The following PRKCA variants were observed in gnomAD, a reference collection of about 807,000 sequenced individuals.
The protein encoded by PRKCA is protein kinase C alpha.
PRKCA carries 27 observed loss-of-function variants against 87.0 expected under a neutral mutation model. The observed-to-expected ratio is 0.31, with a 90% CI of 0.23 to 0.43. The LOEUF is 0.43. Ranked by LOEUF, PRKCA falls within the 20% of genes least tolerant of loss-of-function variation. The probability of loss-of-function intolerance (pLI) is 1.00; values close to 1 mark genes in which losing one functional copy is unlikely to be tolerated. For synonymous variants in PRKCA, 329 were observed against 311.1 expected (o/e 1.06, Z -0.61); for missense variants, 518 against 852.3 (o/e 0.61, Z 4.88).
chr17:66,512,457 A>AGTGTGTGTGTGTGTGT lies in PRKCA; in HGVS notation c.288+16193_288+16208dup, dbSNP rs71160573. 5.5e-5 allele frequency among the ~76,000 whole-genome samples: 8 copies of AGTGTGTGTGTGTGTGT among 144,364 alleles called. No individual in the cohort carries two copies. The East Asian group carries it at 1.1e-3, about 19-fold the overall frequency. 94.7% of individuals were successfully genotyped at this position (144,364 alleles called of 152,430 possible). On this transcript the variant is annotated intron_variant, in intron 3 of 16. Transcript: ENST00000413366. ...CCCTGTCTCCAACAACAACAAAAAA[A>AGTGTGTGTGTGTGTGT]GTGTGTGTGTGTGTGTGTGTGTGTG...
At chr17:66,687,056 G>A in intron 5 of PRKCA, 55 bp from the exon 6 acceptor site, 11 of 1,445,922 alleles carry the variant, frequency 7.6e-6, no homozygotes, top group South Asian at 3.7e-5. Flanking sequence ...ACAAGACAGC[G>A]GGCAATATAG....
chr17:66,619,728 A>G (rs1256163698), intron 3 of PRKCA, among the ~76,000 whole-genome samples: 1 of 152,198 alleles, frequency 6.6e-6, no homozygotes, highest in Non-Finnish European at 1.5e-5. Flanking sequence ...TGTCTCAAGG[A>G]AAAACCTCAT....
chr17:66,647,210 C>G (rs1219812964), intron 5 of PRKCA, among the ~76,000 whole-genome samples: 2 of 152,156 alleles, frequency 1.3e-5, no homozygotes, highest in Admixed American at 6.5e-5. Flanking sequence ...ATGGGGGGAG[C>G]AGATTTTGCA....
chr17:66,591,294 A>AT (rs1969795897), intron 3 of PRKCA, among the ~76,000 whole-genome samples: 1 of 151,456 alleles, frequency 6.6e-6, no homozygotes, highest in Non-Finnish European at 1.5e-5. Flanking sequence ...CTAGGACTAC[A>AT]GGCGTGCACC....
intron 3 of PRKCA, among the ~76,000 whole-genome samples, chr17:66,615,191 A>G (rs1315862074): frequency 2.0e-5 from 3 of 152,204 alleles, no homozygotes; most frequent in Admixed American, 1.3e-4. Flanking sequence ...CTTTTCAGGA[A>G]GTTTCCACAT....
chr17:66,608,958 G>A lies in PRKCA; in HGVS notation c.289-32397G>A, dbSNP rs145489900. On this transcript the variant is annotated intron_variant, in intron 3 of 16. Transcript: ENST00000413366. Reference sequence around the variant, plus strand: ...CAGGTTTGGGCAGCACAATCAATCCGCCTCTCCCCCTTAACAGGTGAGAAC... The same window carrying A: ...CAGGTTTGGGCAGCACAATCAATCCACCTCTCCCCCTTAACAGGTGAGAAC... 5.2e-3 allele frequency among the ~76,000 whole-genome samples: 785 copies of A among 152,248 alleles called. 7 individuals carry two copies. The highest frequency in any genetic ancestry group is 0.018 in the African/African-American group (744 of 41,544).
intron 2 of PRKCA, among the ~76,000 whole-genome samples, chr17:66,350,272 G>A (rs565434429): frequency 1.3e-5 from 2 of 152,188 alleles, no homozygotes; most frequent in Admixed American, 1.3e-4. Context: ...TGAGAGGAAG[G>A]GCTCAGGAAA....
At chr17:66,459,170 C>CA (rs1370475010) in intron 2 of PRKCA, among the ~76,000 whole-genome samples, 1 of 145,992 alleles carries the variant, frequency 6.8e-6, no homozygotes, top group Non-Finnish European at 1.5e-5. Context: ...CCCAGGAGTT[C>CA]AAGTCCAGCC....
At position 66,340,132 on chromosome 17, in the gene PRKCA, A is replaced by G. The variant is rs1225571184; in HGVS notation, c.205+34005A>G. ...TGTCTTCATCTCATTTATGTATTGT[A>G]TTAAACTCTTTGGGGAAACAGATAA... On this transcript the variant is annotated intron_variant, in intron 2 of 16. Coordinates refer to ENST00000413366, the MANE Select transcript of PRKCA (RefSeq NM_002737.3). 6 of 152,298 alleles carry G rather than the reference A, an allele frequency of 3.9e-5. No homozygotes were observed. In the East Asian group the frequency reaches 1.2e-3, roughly 29 times the overall value. 9.4% of individuals were successfully genotyped at this position (152,298 alleles called of 1,614,324 possible).
intron 2 of PRKCA, among the ~76,000 whole-genome samples, chr17:66,352,630 C>G (rs989192724): frequency 1.7e-5 from 2 of 120,430 alleles, no homozygotes; most frequent in African/African-American, 6.2e-5. Context: ...GTGGCGCAAT[C>G]TCAGCTCACT....
intron 5 of PRKCA, among the ~76,000 whole-genome samples, chr17:66,667,955 A>T (rs1181950282): frequency 6.6e-6 from 1 of 152,232 alleles, no homozygotes; most frequent in East Asian, 1.9e-4. Flanking sequence ...GAAACCCACG[A>T]TCAAGACTGG....
intron 2 of PRKCA, among the ~76,000 whole-genome samples, chr17:66,459,903 T>G (rs1914768752): frequency 6.6e-6 from 1 of 152,156 alleles, no homozygotes; most frequent in South Asian, 2.1e-4. Flanking sequence ...CAGGGTTACA[T>G]GGTACATGTG....
At chr17:66,529,596 A>C (rs1266496431) in intron 3 of PRKCA, among the ~76,000 whole-genome samples, 1 of 152,176 alleles carries the variant, frequency 6.6e-6, no homozygotes, top group African/African-American at 2.4e-5. Flanking sequence ...AAAATCTCAT[A>C]GTCAGTCTTT....
At chr17:66,514,334 C>A (rs960123577) in intron 3 of PRKCA, among the ~76,000 whole-genome samples, 3 of 152,096 alleles carry the variant, frequency 2.0e-5, no homozygotes, top group African/African-American at 4.8e-5. Context: ...ACTGTCACCT[C>A]CCAGAATGCT....
chr17:66,557,841 A>G (rs1968548759), intron 3 of PRKCA, among the ~76,000 whole-genome samples: 1 of 152,192 alleles, frequency 6.6e-6, no homozygotes, highest in Non-Finnish European at 1.5e-5. Context: ...GGTGTTAGCC[A>G]GAGAGCAGTG....
At chr17:66,673,662 A>G (rs906397709) in intron 5 of PRKCA, among the ~76,000 whole-genome samples, 1 of 152,360 alleles carries the variant, frequency 6.6e-6, no homozygotes, top group Non-Finnish European at 1.5e-5. Context: ...GAACAAATGC[A>G]GTGAACTAGA....
intron 3 of PRKCA, among the ~76,000 whole-genome samples, chr17:66,623,088 TC>T (rs755949126): frequency 1.3e-5 from 2 of 152,260 alleles, no homozygotes; most frequent in Non-Finnish European, 2.9e-5. Flanking sequence ...TTCTCTATCT[TC>T]CACTGGTCAT....
intron 2 of PRKCA, among the ~76,000 whole-genome samples, chr17:66,393,665 TGC>T (rs61002495): frequency 6.6e-6 from 1 of 151,308 alleles, no homozygotes; most frequent in East Asian, 2.0e-4. Context: ...TGTGTGTGTG[TGC>T]GCCGTCAAAT....
intron 3 of PRKCA, among the ~76,000 whole-genome samples, chr17:66,502,535 C>T (rs1598725263): frequency 6.6e-6 from 1 of 151,742 alleles, no homozygotes; most frequent in Non-Finnish European, 1.5e-5. Context: ...GTGTCTGGCC[C>T]TTTTTAAAAT....
Sources: allele counts gnomAD v4.1 joint callset (sites outside exome capture counted in the v4.1 genomes callset), GRCh38; gene constraint gnomAD v4.1.1; transcripts MANE v1.5; gene names NCBI Gene and HGNC (gene_info 2026-07-23, HGNC 2026-07-21).